Variants in PODXL2 observed in about 807,000 individuals in gnomAD.
PODXL2 encodes podocalyxin like 2, also known as podocalyxin-like protein 2.
PODXL2 carries 17 observed loss-of-function variants against 53.4 expected under a neutral mutation model. The observed-to-expected ratio is 0.32, with a 90% CI of 0.22 to 0.48. The LOEUF is 0.48. Among genes scored for constraint, PODXL2 ranks in the 20% least tolerant of loss-of-function variants. The pLI is 0.99. For missense variants in PODXL2, 673 were observed against 760.0 expected (o/e 0.89, Z 1.35); for synonymous variants, 311 against 306.7 (o/e 1.01, Z -0.15).
chr3:127,658,903 A>G (rs2074743628), intron 2 of PODXL2, among the ~76,000 whole-genome samples: 1 of 151,864 alleles, frequency 6.6e-6, no homozygotes, highest in African/African-American at 2.4e-5. Context: ...TTAGCTAGGT[A>G]TTAGATCTCC....
intron 2 of PODXL2, among the ~76,000 whole-genome samples, chr3:127,656,282 T>A (rs1370007891): frequency 6.6e-6 from 1 of 152,216 alleles, no homozygotes; most frequent in Non-Finnish European, 1.5e-5. Flanking sequence ...ACCATCATCC[T>A]CATTCCACAT....
intron 2 of PODXL2, among the ~76,000 whole-genome samples, chr3:127,656,362 G>A: frequency 6.6e-6 from 1 of 152,200 alleles, no homozygotes. Flanking sequence ...GGCCAAGGCA[G>A]GAGGATCGCT....
chr3:127,662,391 G>T (rs1230687708), intron 4 of PODXL2, 80 bp downstream of exon 4: 3 of 1,085,956 alleles, frequency 2.8e-6, no homozygotes, highest in Non-Finnish European at 4.1e-6. Flanking sequence ...AGGCTGGGGG[G>T]ACAAGCAGTG....
chr3:127,648,577 G>C (rs1658040), intron 2 of PODXL2, among the ~76,000 whole-genome samples: 122,447 of 151,838 alleles, frequency 0.81, 50,004 homozygotes, highest in African/African-American at 0.95. Flanking sequence ...ATAATCCAGT[G>C]ATTCAGTCAG....
chr3:127,667,648 G>A (rs1048033419), intron 4 of PODXL2, among the ~76,000 whole-genome samples: 1 of 152,220 alleles, frequency 6.6e-6, no homozygotes, highest in Non-Finnish European at 1.5e-5. Context: ...TCTGTTTAAG[G>A]CCAGGCTCTT....
intron 2 of PODXL2, among the ~76,000 whole-genome samples, chr3:127,652,530 C>T (rs1296431189): frequency 6.6e-6 from 1 of 152,152 alleles, no homozygotes; most frequent in Admixed American, 6.5e-5. Context: ...TCCCATGCTC[C>T]GAGGCCCAGC....
chr3:127,640,729 A>G (rs1056835185), intron 2 of PODXL2, among the ~76,000 whole-genome samples: 3 of 152,128 alleles, frequency 2.0e-5, no homozygotes, highest in Non-Finnish European at 4.4e-5. Flanking sequence ...AATAAAAAAT[A>G]AAAACTACCT....
chr3:127,647,370 T>C (rs1485588881), intron 2 of PODXL2, among the ~76,000 whole-genome samples: 1 of 152,152 alleles, frequency 6.6e-6, no homozygotes, highest in Non-Finnish European at 1.5e-5. Context: ...TTCGAGACTG[T>C]CCCCACTGAC....
intron 6 of PODXL2, among the ~76,000 whole-genome samples, chr3:127,671,127 G>T (rs1470723105): frequency 6.6e-6 from 1 of 152,204 alleles, no homozygotes; most frequent in South Asian, 2.1e-4. Flanking sequence ...AGCAGCATGG[G>T]TCCACTCTCA....
At chr3:127,648,470 A>G (rs989161402) in intron 2 of PODXL2, among the ~76,000 whole-genome samples, 2 of 152,244 alleles carry the variant, frequency 1.3e-5, no homozygotes, top group East Asian at 1.9e-4. Context: ...CTTAGACACC[A>G]AAACAAAAGC....
chr3:127,662,460 CA>C, intron 4 of PODXL2, 149 bp downstream of exon 4: 1 of 569,234 alleles, frequency 1.8e-6, no homozygotes, highest in East Asian at 2.8e-5. Context: ...CAGCCATCAA[CA>C]TTACACACAG....
At chr3:127,643,053 T>G (rs2074630529) in intron 2 of PODXL2, among the ~76,000 whole-genome samples, 1 of 152,216 alleles carries the variant, frequency 6.6e-6, no homozygotes, top group South Asian at 2.1e-4. Context: ...TGTTTTTTTC[T>G]ATTGAGTCTT....
At chr3:127,650,993 G>A (rs924436777) in intron 2 of PODXL2, among the ~76,000 whole-genome samples, 6 of 152,152 alleles carry the variant, frequency 3.9e-5, no homozygotes, top group African/African-American at 7.2e-5. Context: ...GGCTGGGTGC[G>A]ATGGCTCACA....
chr3:127,659,024 A>G (rs1479997362), intron 2 of PODXL2, among the ~76,000 whole-genome samples: 1 of 152,016 alleles, frequency 6.6e-6, no homozygotes, highest in African/African-American at 2.4e-5. Context: ...TGAATTTTCA[A>G]TCCGTTGAAT....
chr3:127,629,226 C>G lies in PODXL2; in HGVS notation c.7C>G (p.Arg3Gly). The G allele has an allele frequency of 4.0e-6, 4 of 995,678 alleles. No individual in the cohort carries two copies. Among genetic ancestry groups the G allele is most frequent in the Middle Eastern group, 5.0e-4 (1 of 1,982 alleles). 61.7% of individuals were successfully genotyped at this position (995,678 alleles called of 1,614,324 possible). ...AGGCGGCGACGGCTACACCATGGGC[C>G]GGCTGCTGCGGGCCGCCCGGCTGCC... MG[R>G]LLRAARLPPL... The change falls in exon 1 of 8, where the codon CGG becomes GGG. Residue 3 changes from arginine to glycine, a missense_variant. Around this residue, in one of 3 missense-constraint regions of PODXL2, gnomAD observed 588 missense variants for 668.3 expected, o/e 0.88. Transcript: ENST00000342480. This position sits in a 1 kb window ranked among gnomAD's most constrained non-coding sequence, Gnocchi z 6.4.
intron 2 of PODXL2, among the ~76,000 whole-genome samples, chr3:127,646,451 A>T (rs1339394534): frequency 6.6e-6 from 1 of 151,522 alleles, no homozygotes; most frequent in Non-Finnish European, 1.5e-5. Flanking sequence ...ATGGTGCAAC[A>T]GTCTTGGCTC....
chr3:127,657,487 C>T (rs535742528), intron 2 of PODXL2, among the ~76,000 whole-genome samples: 15 of 152,312 alleles, frequency 9.8e-5, no homozygotes, highest in South Asian at 4.1e-4. Context: ...ATCTAGCTCA[C>T]GCATCTGATT....
At chr3:127,652,314 C>T (rs961015880) in intron 2 of PODXL2, among the ~76,000 whole-genome samples, 20 of 152,246 alleles carry the variant, frequency 1.3e-4, no homozygotes, top group Non-Finnish European at 1.8e-4. Context: ...GTTCTGAGGG[C>T]TCTGGGGAAC....
Position 127,672,751 on chromosome 3 carries a change from C to T in PODXL2, c.*271C>T. ...CCCCGCGGGCGGCGGGCGGCGCTTC[C>T]TGCGCCCCGGGACTCAATTAAACCC... On this transcript the variant is annotated 3_prime_UTR_variant, in exon 8 of 8. Transcript: ENST00000342480. 1 of 404,798 alleles carries T rather than the reference C, an allele frequency of 2.5e-6. No homozygotes were observed. The highest frequency in any genetic ancestry group is 4.3e-6 in the Non-Finnish European group (1 of 232,946). The allele number at this position is 404,798 out of a possible 1,614,324, so 25.1% of individuals were successfully genotyped here.
Sources: gnomAD v4.1 joint callset for allele counts (sites outside exome capture counted in the v4.1 genomes callset) on GRCh38, gnomAD v4.1.1 for gene constraint, gnomAD v4.1.1 regional missense constraint, Gnocchi (gnomAD v3.1) non-coding constraint, MANE v1.5 for transcripts, NCBI Gene and HGNC (gene_info 2026-07-23, HGNC 2026-07-21) for gene names.